ABI1: variants seen among roughly 807,000 people sequenced by gnomAD.
ABI1 encodes abl interactor 1.
Under a neutral mutation model 54.6 loss-of-function variants are expected in ABI1, and 14 were observed. The ratio of observed to expected loss-of-function variants is 0.26; its 90% CI spans 0.17 to 0.40. The LOEUF (loss-of-function observed/expected upper bound fraction) is 0.40. ABI1 is among the 10% of genes least tolerant of loss of function. ABI1 has a pLI of 1.00. For missense variants in ABI1, 443 were observed against 598.3 expected, an observed-to-expected ratio of 0.74 and a Z score of 2.71; for synonymous variants, 194 against 209.3, an observed-to-expected ratio of 0.93 and a Z score of 0.63.
At position 26,860,603 on chromosome 10, in the gene ABI1, T is replaced by G. The variant is rs930114423; in HGVS notation, c.117+144A>C. 6.0e-6 allele frequency: 4 copies of G among 671,602 alleles called. No individual in the cohort carries two copies. Among genetic ancestry groups the G allele is most frequent in the South Asian group, 1.7e-5 (1 of 58,728 alleles). The allele number at this position is 671,602 out of a possible 1,614,324, so 41.6% of individuals were successfully genotyped here. A position where few individuals can be genotyped will look rare whatever the true frequency, so the allele number is the denominator to read the frequency against. On this transcript the variant is annotated intron_variant, in intron 1 of 10. Coordinates refer to ENST00000376140, the MANE Select transcript of ABI1 (RefSeq NM_001012750.3). The surrounding 1 kb of genome is among the most constrained non-coding windows in gnomAD (Gnocchi z 4.1). ...CCCGGCCACTCGCTCTGTCCCCGGTTGGGGCTGGGGTTGGGGCTGCGGTAG... is the reference window on the plus strand; with the variant it reads ...CCCGGCCACTCGCTCTGTCCCCGGTGGGGGCTGGGGTTGGGGCTGCGGTAG...
chr10:26,813,594 C>T (rs1164674181), intron 2 of ABI1, among the ~76,000 whole-genome samples: 1 of 152,264 alleles, frequency 6.6e-6, no homozygotes, highest in East Asian at 1.9e-4. Flanking sequence ...TCCTGAAGTT[C>T]CCAAGATCCT....
At position 26,833,721 on chromosome 10, in the gene ABI1, C is replaced by T. The variant is rs182992208; in HGVS notation, c.118-10416G>A. Among the ~76,000 whole-genome samples the T allele has an allele frequency of 1.0e-3, 145 of 139,552 alleles. No individual in the cohort carries two copies. The Middle Eastern group carries it at 0.011, about 11-fold the overall frequency. 91.6% of individuals were successfully genotyped at this position (139,552 alleles called of 152,430 possible). A position where few individuals can be genotyped will look rare whatever the true frequency, so the allele number is the denominator to read the frequency against. On this transcript the variant is annotated intron_variant, in intron 1 of 10. Transcript: ENST00000376140. ...AATATAGCTTGGGCAAATACTCTCA[C>T]GTACTACTAAAAAAAATACAATCAG...
chr10:26,761,524 G>A (rs1400976155), intron 7 of ABI1, among the ~76,000 whole-genome samples: 1 of 147,870 alleles, frequency 6.8e-6, no homozygotes, highest in African/African-American at 2.5e-5. Context: ...ATATTAACAA[G>A]ATCACTGAGG....
chr10:26,767,458 G>C (rs1840099737), intron 6 of ABI1, among the ~76,000 whole-genome samples: 1 of 152,044 alleles, frequency 6.6e-6, no homozygotes, highest in Admixed American at 6.6e-5. Context: ...GAAAACTGAA[G>C]AATAAAACAA....
At chr10:26,765,828 A>G (rs950527254) in intron 6 of ABI1, among the ~76,000 whole-genome samples, 1 of 152,152 alleles carries the variant, frequency 6.6e-6, no homozygotes, top group Non-Finnish European at 1.5e-5. Flanking sequence ...TCTACTTCTC[A>G]ACCTATCTGG....
intron 2 of ABI1, among the ~76,000 whole-genome samples, chr10:26,796,825 C>T (rs1052486765): frequency 4.6e-5 from 7 of 152,150 alleles, no homozygotes; most frequent in African/African-American, 1.2e-4. Flanking sequence ...GGGAGACAGG[C>T]GAATGGTTTT....
At chr10:26,852,182 T>C (rs1486049256) in intron 1 of ABI1, among the ~76,000 whole-genome samples, 1 of 152,186 alleles carries the variant, frequency 6.6e-6, no homozygotes, top group African/African-American at 2.4e-5. Flanking sequence ...TATTGCCTTA[T>C]TAAAATAAGA....
At chr10:26,763,839 G>C in intron 7 of ABI1, 1 of 1,541,232 alleles carries the variant, frequency 6.5e-7, no homozygotes, top group Non-Finnish European at 9.0e-7. Flanking sequence ...TATGAATTAT[G>C]TAAAGTGAGT....
In ABI1 at chr10:26,789,403, T is replaced by C. The variant is rs543667755; in HGVS notation, c.286-12162A>G. Among the ~76,000 whole-genome samples the C allele has an allele frequency of 8.5e-5, 13 of 152,298 alleles. No individual in the cohort carries two copies. In the East Asian group the frequency reaches 1.9e-3, roughly 23 times the overall value. Reference sequence around the variant, plus strand: ...TTAAAGCATGAATACATACACACATTTGAATTACATATGTTTTATATAATT... The same window carrying C: ...TTAAAGCATGAATACATACACACATCTGAATTACATATGTTTTATATAATT... On this transcript the variant is annotated intron_variant, in intron 2 of 10. Coordinates refer to ENST00000376140, the MANE Select transcript of ABI1 (RefSeq NM_001012750.3).
intron 7 of ABI1, among the ~76,000 whole-genome samples, chr10:26,761,349 T>C (rs569380561): frequency 2.5e-4 from 38 of 151,952 alleles, no homozygotes; most frequent in Non-Finnish European, 5.4e-4. Context: ...CAAAAGCCAA[T>C]CATTTAGCAA....
rs1839799385 is a variant in ABI1, at chr10:26,765,313, C to T, written c.725G>A (p.Ser242Asn). The change falls in exon 7 of 11, where the codon AGT (serine) becomes AAT (asparagine). Residue 242 changes from serine to asparagine, a missense_variant. Transcript: ENST00000376140. ...TTCTCGACTTCCACTTCCTCCACTA[C>T]TTCCACTGAAAAGAAAAAAAAAAAC... ...LNQRPRTHSG[S>N]SGGSGSRENS... 6.3e-7 allele frequency: 1 copy of T among 1,578,020 alleles called. No individual in the cohort carries two copies. The highest frequency in any genetic ancestry group is 8.6e-7 in the Non-Finnish European group (1 of 1,168,182).
intron 7 of ABI1, among the ~76,000 whole-genome samples, chr10:26,764,466 C>G (rs1378284624): frequency 6.6e-6 from 1 of 152,136 alleles, no homozygotes; most frequent in Non-Finnish European, 1.5e-5. Flanking sequence ...AGAGTAGATA[C>G]TGGCCTGTAA....
At position 26,747,754 on chromosome 10, in the gene ABI1, TTAAGA is replaced by T. The variant is rs3839921; in HGVS notation, c.*811_*815del. On this transcript the variant is annotated 3_prime_UTR_variant, in exon 11 of 11. Coordinates refer to ENST00000376140, the MANE Select transcript of ABI1 (RefSeq NM_001012750.3). Reference sequence around the variant, plus strand: ...TCCGTCACATTGCTGTTGGGACAGATTAAGATAAGGCTAAAATTTTTTTCCAAGTT... The same window carrying T: ...TCCGTCACATTGCTGTTGGGACAGATTAAGGCTAAAATTTTTTTCCAAGTT... The T allele has an allele frequency of 4.7e-4, 93 of 196,794 alleles. No individual in the cohort carries two copies. In the East Asian group the frequency reaches 6.8e-3, roughly 14 times the overall value. 12.2% of individuals were successfully genotyped at this position (196,794 alleles called of 1,614,324 possible).
At chr10:26,749,737 C>T (rs1256250682) in intron 10 of ABI1, among the ~76,000 whole-genome samples, 1 of 152,148 alleles carries the variant, frequency 6.6e-6, no homozygotes, top group Non-Finnish European at 1.5e-5. Context: ...TATAAAATGG[C>T]CCATGGACAA....
chr10:26,845,949 C>T (rs1228391030), intron 1 of ABI1, among the ~76,000 whole-genome samples: 1 of 151,976 alleles, frequency 6.6e-6, no homozygotes, highest in African/African-American at 2.4e-5. Context: ...TCAATACCAG[C>T]CTGGCCAACA....
Position 26,814,453 on chromosome 10 carries a change from C to T in ABI1, c.285+8685G>A, listed in dbSNP as rs971315235. ...AATGGAAAAAAGAAATCATAATGGA[C>T]ATTGCTAAGCACTCTACAAAGCAAA... On this transcript the variant is annotated intron_variant, in intron 2 of 10. Transcript: ENST00000376140. Among the ~76,000 whole-genome samples the T allele has an allele frequency of 3.3e-5, 5 of 152,274 alleles. No homozygotes were observed. The South Asian group carries it at 6.2e-4, about 19-fold the overall frequency.
At chr10:26,833,934 A>C (rs2133949475) in intron 1 of ABI1, among the ~76,000 whole-genome samples, 1 of 152,334 alleles carries the variant, frequency 6.6e-6, no homozygotes, top group African/African-American at 2.4e-5. Flanking sequence ...ATTATTAAAA[A>C]ATTAATATAC....
At chr10:26,859,753 CATACT>C (rs2051141681) in intron 1 of ABI1, among the ~76,000 whole-genome samples, 2 of 152,180 alleles carry the variant, frequency 1.3e-5, no homozygotes, top group Non-Finnish European at 2.9e-5. Flanking sequence ...TTTGGATTCA[CATACT>C]ATACATTTAC....
In ABI1 at chr10:26,837,913, C is replaced by T. The variant is rs186077015; in HGVS notation, c.118-14608G>A. Among the ~76,000 whole-genome samples, 15 of 152,236 alleles carry T rather than the reference C, an allele frequency of 9.9e-5. No homozygotes were observed. In the East Asian group the frequency reaches 2.7e-3, roughly 27 times the overall value. On this transcript the variant is annotated intron_variant, in intron 1 of 10. Transcript: ENST00000376140. ...TAGAGGCATGAGCCACCACACCCAG[C>T]TTAGTTTTCAAAGCATTTTCACATA...
Sources: allele counts gnomAD v4.1 joint callset (sites outside exome capture counted in the v4.1 genomes callset), GRCh38; gene constraint gnomAD v4.1.1; non-coding constraint Gnocchi (gnomAD v3.1); transcripts MANE v1.5; gene names NCBI Gene and HGNC (gene_info 2026-07-23, HGNC 2026-07-21).